MYO1B: variants seen among roughly 807,000 people sequenced by gnomAD.
The protein encoded by MYO1B is unconventional myosin-Ib.
MYO1B carries 72 observed loss-of-function variants against 159.7 expected under a neutral mutation model. The observed-to-expected ratio is 0.45, with a 90% CI of 0.37 to 0.55. MYO1B has a LOEUF of 0.55. MYO1B is among the 20% of genes least tolerant of loss of function. The pLI, the probability that MYO1B is intolerant of heterozygous loss-of-function variation, is 0.00. For missense variants in MYO1B, 1,062 were observed against 1,364.8 expected, an observed-to-expected ratio of 0.78 and a Z score of 3.50; for synonymous variants, 468 against 473.8, an observed-to-expected ratio of 0.99 and a Z score of 0.16.
intron 3 of MYO1B, among the ~76,000 whole-genome samples, chr2:191,313,913 G>T (rs1357869814): frequency 6.6e-6 from 1 of 152,180 alleles, no homozygotes; most frequent in Non-Finnish European, 1.5e-5. Context: ...GCCTAACTGC[G>T]AAGGAAGCTG....
At chr2:191,268,818 A>C (rs1260018589) in intron 1 of MYO1B, among the ~76,000 whole-genome samples, 1 of 151,906 alleles carries the variant, frequency 6.6e-6, no homozygotes. Flanking sequence ...AGATCTTTGG[A>C]AGCTTTGTTT....
chr2:191,358,465 C>G (rs986635706), intron 7 of MYO1B, among the ~76,000 whole-genome samples: 1 of 152,136 alleles, frequency 6.6e-6, no homozygotes, highest in Non-Finnish European at 1.5e-5. Context: ...TCATATCGTG[C>G]GCAAGTGAAT....
intron 6 of MYO1B, among the ~76,000 whole-genome samples, chr2:191,346,711 T>TA (rs1692590585): frequency 6.6e-6 from 1 of 152,122 alleles, no homozygotes; most frequent in Non-Finnish European, 1.5e-5. Flanking sequence ...TTAATAGAGG[T>TA]AAAGTCCATA....
chr2:191,286,938 A>C (rs573610649), intron 2 of MYO1B, among the ~76,000 whole-genome samples: 2 of 151,648 alleles, frequency 1.3e-5, no homozygotes, highest in Admixed American at 1.3e-4. Flanking sequence ...CTCAAAACAC[A>C]AAACAAAACA....
At chr2:191,357,768 C>A (rs1438959858) in intron 7 of MYO1B, among the ~76,000 whole-genome samples, 2 of 152,178 alleles carry the variant, frequency 1.3e-5, no homozygotes, top group Non-Finnish European at 2.9e-5. Context: ...ATGTTCTCTA[C>A]TTTGAGTAAT....
intron 24 of MYO1B, among the ~76,000 whole-genome samples, chr2:191,406,781 C>T (rs546471837): frequency 6.6e-6 from 1 of 152,306 alleles, no homozygotes; most frequent in East Asian, 1.9e-4. Context: ...TTGTTTGATG[C>T]AGGGTTGCCA....
intron 19 of MYO1B, among the ~76,000 whole-genome samples, 180 bp from the exon 20 acceptor site, chr2:191,392,893 T>C (rs1375766978): frequency 6.6e-6 from 1 of 152,212 alleles, no homozygotes; most frequent in Non-Finnish European, 1.5e-5. Context: ...CATGAATCCA[T>C]CAAAATAATT....
At chr2:191,380,411 T>C (rs1694969462) in intron 13 of MYO1B, among the ~76,000 whole-genome samples, 2 of 152,194 alleles carry the variant, frequency 1.3e-5, no homozygotes, top group African/African-American at 2.4e-5. Context: ...CTGGCCACCA[T>C]TGTGGGAGAA....
In MYO1B at chr2:191,362,364, C is replaced by A; in HGVS notation, c.758C>A (p.Thr253Asn). The A allele has an allele frequency of 6.2e-7, 1 of 1,613,184 alleles. No individual in the cohort carries two copies. Among genetic ancestry groups the A allele is most frequent in the East Asian group, 2.2e-5 (1 of 44,850 alleles). ...GTGGATGATGCAGCAAATTTTAGAACCGTGCGGGTAAGATGTAGTACTTTC... is the reference window on the plus strand; with the variant it reads ...GTGGATGATGCAGCAAATTTTAGAAACGTGCGGGTAAGATGTAGTACTTTC... Reference protein sequence around the residue: ...NGVDDAANFRTVRNAMQIVGF... With the variant: ...NGVDDAANFRNVRNAMQIVGF... Residue 253 changes from threonine to asparagine, a missense_variant, in exon 9 of 31, where the codon ACC becomes AAC. By Grantham distance (65) the Thr-to-Asn change is moderately conservative. This residue lies in a region of MYO1B where 415 missense variants were observed against 544.0 expected (regional missense o/e 0.76). Transcript: ENST00000392318.
chr2:191,332,989 A>G (rs896184740), intron 4 of MYO1B, among the ~76,000 whole-genome samples: 1 of 152,240 alleles, frequency 6.6e-6, no homozygotes, highest in Admixed American at 6.5e-5. Context: ...AATTGAATGA[A>G]CATCATGTAC....
chr2:191,376,470 A>G (rs1162300403), intron 13 of MYO1B, among the ~76,000 whole-genome samples: 1 of 152,220 alleles, frequency 6.6e-6, no homozygotes, highest in Non-Finnish European at 1.5e-5. Flanking sequence ...GACCAACAGC[A>G]TATTTTACAG....
At chr2:191,364,119 T>C (rs1693847564) in intron 10 of MYO1B, 39 bp from the exon 11 acceptor site, 1 of 1,500,770 alleles carries the variant, frequency 6.7e-7, no homozygotes, top group Non-Finnish European at 9.3e-7. Flanking sequence ...GCAGCACGTG[T>C]ACAGTCACTT....
intron 20 of MYO1B, 26 bp from the exon 21 acceptor site, chr2:191,396,403 C>T: frequency 6.2e-7 from 1 of 1,608,300 alleles, no homozygotes; most frequent in Non-Finnish European, 8.5e-7. Context: ...CTACAACTGC[C>T]AATATCTTCC....
At chr2:191,292,406 A>T (rs149041411) in intron 2 of MYO1B, among the ~76,000 whole-genome samples, 78 of 152,326 alleles carry the variant, frequency 5.1e-4, no homozygotes, top group Middle Eastern at 3.4e-3. Flanking sequence ...AGAGAGGTAG[A>T]ACAGCTCGAA....
chr2:191,269,184 G>A (rs1050004345), intron 1 of MYO1B, among the ~76,000 whole-genome samples: 2 of 152,078 alleles, frequency 1.3e-5, no homozygotes, highest in Non-Finnish European at 2.9e-5. Context: ...CCAGCCCCTG[G>A]TAACCACCAT....
intron 10 of MYO1B, 30 bp from the exon 11 acceptor site, chr2:191,364,128 T>C (rs769954521): frequency 6.4e-7 from 1 of 1,571,008 alleles, no homozygotes; most frequent in Non-Finnish European, 8.8e-7. Flanking sequence ...GTACAGTCAC[T>C]TTTTGTGTCC....
chr2:191,366,933 C>G (rs774547087), intron 11 of MYO1B, among the ~76,000 whole-genome samples: 4 of 151,808 alleles, frequency 2.6e-5, no homozygotes, highest in Non-Finnish European at 4.4e-5. Context: ...ATCTCCTTAG[C>G]TCCACTCTAA....
At chr2:191,370,752 G>C (rs1022475785) in intron 13 of MYO1B, among the ~76,000 whole-genome samples, 1 of 152,240 alleles carries the variant, frequency 6.6e-6, no homozygotes, top group African/African-American at 2.4e-5. Context: ...GCCTTGCCAG[G>C]GCTGGTCATT....
At chr2:191,274,696 A>G (rs1051238070) in intron 1 of MYO1B, among the ~76,000 whole-genome samples, 1 of 152,118 alleles carries the variant, frequency 6.6e-6, no homozygotes, top group African/African-American at 2.4e-5. Context: ...ATTTATTGTG[A>G]CAAATGGTCC....
Sources: gnomAD v4.1 joint callset for allele counts (sites outside exome capture counted in the v4.1 genomes callset) on GRCh38, gnomAD v4.1.1 for gene constraint, gnomAD v4.1.1 regional missense constraint, MANE v1.5 for transcripts, NCBI Gene and HGNC (gene_info 2026-07-23, HGNC 2026-07-21) for gene names.